GDAP2: variants seen among roughly 807,000 people sequenced by gnomAD.
GDAP2 encodes the protein ganglioside induced differentiation associated protein 2.
GDAP2 carries 51 observed loss-of-function variants against 67.0 expected under a neutral mutation model. The ratio of observed to expected loss-of-function variants is 0.76; its 90% CI spans 0.61 to 0.96. GDAP2 has a LOEUF of 0.96. GDAP2 is among the 40% of genes least tolerant of loss of function. The pLI is 0.00. For synonymous variants in GDAP2, 203 were observed against 207.3 expected, an observed-to-expected ratio of 0.98 and a Z score of 0.18; for missense variants, 547 against 588.3, an observed-to-expected ratio of 0.93 and a Z score of 0.73.
At position 117,875,235 on chromosome 1, in the gene GDAP2, G is replaced by C. The variant is rs556924464; in HGVS notation, c.1446+2774C>G. Among the ~76,000 whole-genome samples the C allele has an allele frequency of 4.4e-4, 67 of 152,274 alleles. 1 individual carries two copies. Among genetic ancestry groups the C allele is most frequent in the African/African-American group, 1.5e-3 (64 of 41,570 alleles). On this transcript the variant is annotated intron_variant, in intron 13 of 13. Coordinates refer to ENST00000369443, the MANE Select transcript of GDAP2 (RefSeq NM_017686.4). ...TAGGAAGACAGAATGGTTTGGGAGC[G>C]ACAAGGCTTTAACACTTCAGGATGC...
intron 1 of GDAP2, among the ~76,000 whole-genome samples, chr1:117,926,163 C>T (rs901892156): frequency 1.3e-5 from 2 of 152,208 alleles, no homozygotes; most frequent in Non-Finnish European, 2.9e-5. Flanking sequence ...ACTTCCTCTT[C>T]GTACATTTGC....
In GDAP2 at chr1:117,877,926, C is replaced by T. The variant is rs775316490; in HGVS notation, c.1446+83G>A. 6 of 1,481,186 alleles carry T rather than the reference C, an allele frequency of 4.1e-6. No homozygotes were observed. The South Asian group carries it at 6.1e-5, about 15-fold the overall frequency. The allele number at this position is 1,481,186 out of a possible 1,614,324, so 91.8% of individuals were successfully genotyped here. A position where few individuals can be genotyped will look rare whatever the true frequency, so the allele number is the denominator to read the frequency against. On this transcript the variant is annotated intron_variant, in intron 13 of 13. Coordinates refer to ENST00000369443, the MANE Select transcript of GDAP2 (RefSeq NM_017686.4). ...AATTTACATTAATATCTGGTAATGACAGGATGTTGTGCTCGTAAGTGCTGC... is the reference window on the plus strand; with the variant it reads ...AATTTACATTAATATCTGGTAATGATAGGATGTTGTGCTCGTAAGTGCTGC...
At chr1:117,873,511 C>A (rs1265812278) in intron 13 of GDAP2, among the ~76,000 whole-genome samples, 1 of 151,938 alleles carries the variant, frequency 6.6e-6, no homozygotes, top group Non-Finnish European at 1.5e-5. Context: ...ATGAAATTAA[C>A]CAACTCTATA....
chr1:117,891,951 A>G (rs566803275), intron 8 of GDAP2, among the ~76,000 whole-genome samples: 4 of 152,296 alleles, frequency 2.6e-5, no homozygotes, highest in African/African-American at 7.2e-5. Flanking sequence ...TTGATTGATG[A>G]TTAACAACTT....
chr1:117,907,793 GCCTGAGTTATCTTCTCATGTTA>G (rs1649708189), intron 5 of GDAP2, among the ~76,000 whole-genome samples: 1 of 151,946 alleles, frequency 6.6e-6, no homozygotes, highest in African/African-American at 2.4e-5. Flanking sequence ...ACTCACTGTT[GCCTGAGTTATCTTCTCATGTTA>G]CCCGAGTTAT....
At chr1:117,888,359 T>A (rs1007685879) in intron 8 of GDAP2, among the ~76,000 whole-genome samples, 4 of 152,134 alleles carry the variant, frequency 2.6e-5, no homozygotes, top group Admixed American at 2.6e-4. Flanking sequence ...GTCAAACTAG[T>A]TGTAGTGATA....
intron 5 of GDAP2, among the ~76,000 whole-genome samples, chr1:117,909,330 C>A (rs536966888): frequency 6.6e-6 from 1 of 151,854 alleles, no homozygotes; most frequent in African/African-American, 2.4e-5. Flanking sequence ...AAATTTATTT[C>A]AATGCAGATA....
At chr1:117,882,600 C>A (rs1053019044) in intron 11 of GDAP2, among the ~76,000 whole-genome samples, 3 of 152,118 alleles carry the variant, frequency 2.0e-5, no homozygotes, top group African/African-American at 4.8e-5. Context: ...AGAAATAGTA[C>A]AAACTATTTC....
rs535543652 is a variant in GDAP2, at chr1:117,874,682, A to G, written c.1446+3327T>C. On this transcript the variant is annotated intron_variant, in intron 13 of 13. Coordinates refer to ENST00000369443, the MANE Select transcript of GDAP2 (RefSeq NM_017686.4). ...GGCTAGAAGAGTCTGCAAGGATCAG[A>G]AGACAACAGAAAGACTTAGGGAAAG... Among the ~76,000 whole-genome samples the G allele has an allele frequency of 6.6e-5, 10 of 152,362 alleles. No individual in the cohort carries two copies. The South Asian group carries it at 2.1e-3, about 32-fold the overall frequency.
At chr1:117,923,007 A>G (rs1650310894) in intron 1 of GDAP2, among the ~76,000 whole-genome samples, 1 of 152,184 alleles carries the variant, frequency 6.6e-6, no homozygotes, top group Admixed American at 6.5e-5. Flanking sequence ...TTAATTATTA[A>G]TATTCCTTAC....
At chr1:117,898,444 C>G (rs1476127838) in intron 7 of GDAP2, among the ~76,000 whole-genome samples, 2 of 152,174 alleles carry the variant, frequency 1.3e-5, no homozygotes, top group African/African-American at 4.8e-5. Context: ...GAAATGTTCA[C>G]TCTAGGAATT....
chr1:117,910,642 A>G (rs1014141108), intron 5 of GDAP2, among the ~76,000 whole-genome samples: 1 of 152,172 alleles, frequency 6.6e-6, no homozygotes, highest in South Asian at 2.1e-4. Flanking sequence ...AATTCTAGAG[A>G]TAACAGGGGC....
At chr1:117,902,898 T>C (rs1274564779) in intron 6 of GDAP2, among the ~76,000 whole-genome samples, 2 of 152,224 alleles carry the variant, frequency 1.3e-5, no homozygotes, top group Admixed American at 1.3e-4. Flanking sequence ...TCTGTGAACA[T>C]AGATGTCTTT....
chr1:117,891,095 T>C (rs1255966392), intron 8 of GDAP2, among the ~76,000 whole-genome samples: 2 of 150,694 alleles, frequency 1.3e-5, no homozygotes, highest in Admixed American at 1.3e-4. Context: ...ACACTTCTGG[T>C]CCCAAGAATT....
chr1:117,893,531 C>G (rs1431590028), intron 8 of GDAP2, among the ~76,000 whole-genome samples: 1 of 152,132 alleles, frequency 6.6e-6, no homozygotes, highest in East Asian at 1.9e-4. Flanking sequence ...AAGATATTTA[C>G]TAACTAAAAA....
At chr1:117,883,994 A>G (rs1570968906) in intron 10 of GDAP2, among the ~76,000 whole-genome samples, 2 of 152,182 alleles carry the variant, frequency 1.3e-5, no homozygotes, top group East Asian at 3.8e-4. Context: ...AATCATTAGA[A>G]GTAGAATTTC....
intron 7 of GDAP2, among the ~76,000 whole-genome samples, chr1:117,898,787 T>C (rs779090854): frequency 2.6e-5 from 4 of 152,224 alleles, no homozygotes; most frequent in Non-Finnish European, 5.9e-5. Context: ...GTGTTCTGCA[T>C]GAAACTATAA....
intron 5 of GDAP2, among the ~76,000 whole-genome samples, chr1:117,910,470 C>G (rs150678877): frequency 2.6e-5 from 4 of 152,130 alleles, no homozygotes; most frequent in African/African-American, 9.6e-5. Flanking sequence ...ACTATAAAAT[C>G]CTTGAGCAGT....
intron 8 of GDAP2, among the ~76,000 whole-genome samples, chr1:117,895,719 C>T (rs1156402546): frequency 6.6e-6 from 1 of 152,146 alleles, no homozygotes; most frequent in African/African-American, 2.4e-5. Flanking sequence ...CCTAGTGGCT[C>T]ATACGCTTTT....
Sources: allele counts gnomAD v4.1 joint callset (sites outside exome capture counted in the v4.1 genomes callset), GRCh38; gene constraint gnomAD v4.1.1; transcripts MANE v1.5; gene names NCBI Gene and HGNC (gene_info 2026-07-23, HGNC 2026-07-21).